Variants in NPC2 observed in about 807,000 individuals in gnomAD.
The protein encoded by NPC2 is Niemann-Pick disease type C2 protein.
A neutral mutation model predicts 17.0 loss-of-function variants in NPC2; 14 were observed. The observed-to-expected ratio is 0.82, with a 90% CI of 0.54 to 1.29. The LOEUF (loss-of-function observed/expected upper bound fraction) is 1.29, where lower values mean the gene tolerates loss of function less well. Ranked by LOEUF, NPC2 falls within the 50% of genes most tolerant of loss-of-function variation. The pLI, the probability that NPC2 is intolerant of heterozygous loss-of-function variation, is 0.00. For synonymous variants in NPC2, 75 were observed against 69.3 expected (o/e 1.08, Z -0.41); for missense variants, 167 against 183.4 (o/e 0.91, Z 0.52).
chr14:74,483,191 G>A, intron 3 of NPC2: 2 of 855,692 alleles, frequency 2.3e-6, no homozygotes, highest in Non-Finnish European at 3.9e-6. Flanking sequence ...ATGAAGAATG[G>A]CCAAGGTTTT....
intron 3 of NPC2, chr14:74,483,272 G>A (rs1436344143): frequency 4.5e-6 from 5 of 1,104,326 alleles, no homozygotes; most frequent in Non-Finnish European, 6.8e-6. Context: ...TAAGGACACA[G>A]AAGATGTTCC....
intron 4 of NPC2, 74 bp from the exon 5 acceptor site, chr14:74,480,362 G>A: frequency 7.6e-7 from 1 of 1,323,730 alleles, no homozygotes; most frequent in East Asian, 2.3e-5. Context: ...ATAACCCTAG[G>A]GCAAGTTATC....
chr14:74,487,165 G>A (rs1346898374), intron 1 of NPC2, among the ~76,000 whole-genome samples: 1 of 151,944 alleles, frequency 6.6e-6, no homozygotes, highest in Non-Finnish European at 1.5e-5. Context: ...TGGCCAGGAT[G>A]GTCTTGATCT....
rs2086638757 is a variant in NPC2, at chr14:74,480,087, G to A, written c.*187C>T. On this transcript the variant is annotated 3_prime_UTR_variant, in exon 5 of 5. Transcript: ENST00000555619. ...AATGAAACCACCTAAGACAGAAAAA[G>A]AGACATGAGACAACCACTGAGAACC... The A allele has an allele frequency of 6.5e-7, 1 of 1,539,464 alleles. No homozygotes were observed. The highest frequency in any genetic ancestry group is 8.7e-7 in the Non-Finnish European group (1 of 1,147,384).
intron 3 of NPC2, among the ~76,000 whole-genome samples, chr14:74,483,762 A>G (rs1226122289): frequency 1.3e-5 from 2 of 152,256 alleles, no homozygotes; most frequent in Non-Finnish European, 2.9e-5. Flanking sequence ...ATGATTATAC[A>G]AAAGAGCATG....
rs2086793947 is a variant in NPC2 at position 74,493,135 on chromosome 14, G to A, written c.82+58C>T. ...CCCAGCCCCAGGGGTCTCAGCGCGGGGGTCCGGCGGGGCCTTCCACAGAGG... is the reference window on the plus strand; with the variant it reads ...CCCAGCCCCAGGGGTCTCAGCGCGGAGGTCCGGCGGGGCCTTCCACAGAGG... On this transcript the variant is annotated intron_variant, in intron 1 of 4. Transcript: ENST00000555619. The surrounding 1 kb of genome is among the most constrained non-coding windows in gnomAD (Gnocchi z 4.1). The A allele has an allele frequency of 1.3e-6, 2 of 1,558,062 alleles. No individual in the cohort carries two copies.
intron 1 of NPC2, among the ~76,000 whole-genome samples, chr14:74,488,407 T>G (rs942938742): frequency 3.3e-5 from 5 of 152,162 alleles, no homozygotes; most frequent in African/African-American, 1.2e-4. Context: ...AATATCAGTC[T>G]TGGCTTTTAA....
chr14:74,480,847 A>G lies in NPC2; in HGVS notation c.364-68T>C, dbSNP rs1046283019. ...CTGACTTCTATCCATAATTGGTTTA[A>G]CTATGAATCCTAGATGTACAGTAGC... On this transcript the variant is annotated intron_variant, in intron 3 of 4. Coordinates refer to ENST00000555619, the MANE Select transcript of NPC2 (RefSeq NM_006432.5). 5 of 1,313,248 alleles carry G rather than the reference A, an allele frequency of 3.8e-6. No homozygotes were observed. The African/African-American group carries it at 5.8e-5, about 15-fold the overall frequency. The allele number at this position is 1,313,248 out of a possible 1,614,324, so 81.3% of individuals were successfully genotyped here. A position where few individuals can be genotyped will look rare whatever the true frequency, so the allele number is the denominator to read the frequency against.
chr14:74,486,351 G>A lies in NPC2; in HGVS notation c.168C>T (p.Ser56=), dbSNP rs761208847. The A allele has an allele frequency of 4.2e-5, 68 of 1,601,458 alleles. No homozygotes were observed. Among genetic ancestry groups the A allele is most frequent in the African/African-American group, 8.0e-5 (6 of 74,826 alleles). ...PCQLSKGQSY[S]VNVTFTSNIQ... is the part of the protein sequence containing the mutation. ...CACTGCTGGTGAAGGTGACATTGAC[G>A]CTGTAAGACTGTCCTTTGCTCAGCT... The change falls in exon 2 of 5, where the codon AGC becomes AGT. Residue 56 remains serine (S), a synonymous_variant. Transcript: ENST00000555619.
intron 1 of NPC2, among the ~76,000 whole-genome samples, chr14:74,492,336 G>A (rs2086785045): frequency 6.6e-6 from 1 of 152,134 alleles, no homozygotes; most frequent in Non-Finnish European, 1.5e-5. Flanking sequence ...CCCCTTGGGC[G>A]GTTACACTTA....
chr14:74,484,770 A>C (rs1049177966), intron 2 of NPC2, among the ~76,000 whole-genome samples, 183 bp from the exon 3 acceptor site: 2 of 151,006 alleles, frequency 1.3e-5, no homozygotes, highest in Admixed American at 1.3e-4. Context: ...AAAAAAAAAA[A>C]AAAAAAAACA....
Position 74,485,294 on chromosome 14 carries a change from C to CAAAAAAAAA in NPC2, c.191-716_191-708dup, listed in dbSNP as rs61395005. 4.2e-3 allele frequency among the ~76,000 whole-genome samples: 303 copies of CAAAAAAAAA among 71,332 alleles called. 18 individuals carry two copies. Among genetic ancestry groups the CAAAAAAAAA allele is most frequent in the African/African-American group, 9.6e-3 (124 of 12,906 alleles). The allele number at this position is 71,332 out of a possible 152,430, so 46.8% of individuals were successfully genotyped here. ...TGGGTGACAGAGCGAGACTCTGTCA[C>CAAAAAAAAA]AAAAAAAAAAAAAAAAAAAAAAAAA... On this transcript the variant is annotated intron_variant, in intron 2 of 4. Transcript: ENST00000555619.
chr14:74,492,533 G>A (rs1054290128), intron 1 of NPC2, among the ~76,000 whole-genome samples: 1 of 152,134 alleles, frequency 6.6e-6, no homozygotes, highest in African/African-American at 2.4e-5. Flanking sequence ...TCGAGTTTCT[G>A]TTCCGACAAT....
rs918129017 is a variant in NPC2, at chr14:74,493,040, C to A, written c.82+153G>T. On this transcript the variant is annotated intron_variant, in intron 1 of 4. Coordinates refer to ENST00000555619, the MANE Select transcript of NPC2 (RefSeq NM_006432.5). The surrounding 1 kb of genome is among the most constrained non-coding windows in gnomAD (Gnocchi z 4.1). ...GGTTTCATGGAGGCCGGCGCCTTCT[C>A]CCCCGACCCAGCCCATTCCAGTTAG... is the stretch of plus-strand genomic sequence containing the variant. Among the ~76,000 whole-genome samples, 1 of 152,320 alleles carries A rather than the reference C, an allele frequency of 6.6e-6. No individual in the cohort carries two copies. Among genetic ancestry groups the A allele is most frequent in the East Asian group, 1.9e-4 (1 of 5,184 alleles).
At chr14:74,493,479 T>A, upstream of NPC2, 4 of 1,223,494 alleles carry the variant, frequency 3.3e-6, no homozygotes, top group Non-Finnish European at 4.6e-6. This position sits in a 1 kb window ranked among gnomAD's most constrained non-coding sequence, Gnocchi z 4.1. Context: ...TCTCCGCCCA[T>A]GCCATCCCCT....
At chr14:74,492,469 T>A (rs1431689109) in intron 1 of NPC2, among the ~76,000 whole-genome samples, 1 of 152,254 alleles carries the variant, frequency 6.6e-6, no homozygotes, top group African/African-American at 2.4e-5. Flanking sequence ...GTCAGTTTCA[T>A]GCCTCTTTCA....
chr14:74,486,118 C>T (rs2086709832), intron 2 of NPC2, among the ~76,000 whole-genome samples: 1 of 152,134 alleles, frequency 6.6e-6, no homozygotes, highest in Non-Finnish European at 1.5e-5. Flanking sequence ...GGACATCTCC[C>T]TGTTTGCTTA....
chr14:74,493,460 A>G (rs2086801609), upstream of NPC2: 2 of 1,370,636 alleles, frequency 1.5e-6, no homozygotes, highest in South Asian at 1.3e-5. This position sits in a 1 kb window ranked among gnomAD's most constrained non-coding sequence, Gnocchi z 4.1. Context: ...CAGGCCCAGA[A>G]GCCTGCAGTC....
Position 74,486,327 on chromosome 14 carries a change from A to C in NPC2, c.190+2T>G. On this transcript the variant is annotated splice_donor_variant, in intron 2 of 4. Coordinates refer to ENST00000555619, the MANE Select transcript of NPC2 (RefSeq NM_006432.5). LOFTEE classifies it high-confidence loss of function. ...TTTGAGTTAAGAGCCACTTTTACGC[A>C]CTGCTGGTGAAGGTGACATTGACGC... 6.3e-7 allele frequency: 1 copy of C among 1,587,590 alleles called. No individual in the cohort carries two copies. Among genetic ancestry groups the C allele is most frequent in the South Asian group, 1.1e-5 (1 of 86,992 alleles).
Sources: gnomAD v4.1 joint callset for allele counts (sites outside exome capture counted in the v4.1 genomes callset) on GRCh38, gnomAD v4.1.1 for gene constraint, Gnocchi (gnomAD v3.1) non-coding constraint, MANE v1.5 for transcripts, NCBI Gene and HGNC (gene_info 2026-07-23, HGNC 2026-07-21) for gene names.